The following CRTC3 variants were observed in gnomAD, a reference collection of about 807,000 sequenced individuals.
CRTC3 encodes the protein CREB regulated transcription coactivator 3, also known as CREB-regulated transcription coactivator 3.
A neutral mutation model predicts 74.5 loss-of-function variants in CRTC3; 26 were observed. That is an observed-to-expected ratio of 0.35 (90% CI 0.26 to 0.48). The LOEUF (loss-of-function observed/expected upper bound fraction) is 0.48, where lower values mean the gene tolerates loss of function less well. Among genes scored for constraint, CRTC3 ranks in the 20% least tolerant of loss-of-function variants. The pLI, the probability that CRTC3 is intolerant of heterozygous loss-of-function variation, is 0.99. For missense variants in CRTC3, 760 were observed against 787.3 expected (o/e 0.97, Z 0.41); for synonymous variants, 377 against 325.8 (o/e 1.16, Z -1.69).
At chr15:90,537,948 T>C (rs1429782794) in intron 1 of CRTC3, among the ~76,000 whole-genome samples, 2 of 152,178 alleles carry the variant, frequency 1.3e-5, no homozygotes, top group African/African-American at 4.8e-5. Context: ...AGAGCAGTTA[T>C]GGGGGATTGT....
At chr15:90,635,727 C>T (rs1009812975) in intron 11 of CRTC3, among the ~76,000 whole-genome samples, 2 of 151,986 alleles carry the variant, frequency 1.3e-5, no homozygotes, top group African/African-American at 4.8e-5. Context: ...TCCAATGTCG[C>T]ACCTCGGCAT....
chr15:90,569,356 G>C (rs1317395696), intron 2 of CRTC3, among the ~76,000 whole-genome samples: 2 of 139,442 alleles, frequency 1.4e-5, no homozygotes, highest in Non-Finnish European at 3.1e-5. Context: ...TTTTGCTCTT[G>C]TTGCCCAGGC....
At chr15:90,556,527 G>A (rs896100021) in intron 2 of CRTC3, among the ~76,000 whole-genome samples, 1 of 152,166 alleles carries the variant, frequency 6.6e-6, no homozygotes, top group African/African-American at 2.4e-5. Context: ...ACATAAAGTA[G>A]TTTGCATATT....
chr15:90,602,509 TA>T, intron 4 of CRTC3, 124 bp downstream of exon 4: 1 of 635,620 alleles, frequency 1.6e-6, no homozygotes. Flanking sequence ...TTTTCTCTTA[TA>T]ACATTTAATT....
At position 90,643,293 on chromosome 15, in the gene CRTC3, A is replaced by C. The variant is rs184905545; in HGVS notation, c.*1153A>C. ...CCCCTTCCCTGCCAGATCTTCTCAG[A>C]GCTTTAGCTTTTCTAGCACTCGTGC... On this transcript the variant is annotated 3_prime_UTR_variant, in exon 15 of 15. Transcript: ENST00000268184. 35 of 231,988 alleles carry C rather than the reference A, an allele frequency of 1.5e-4. No homozygotes were observed. Among genetic ancestry groups the C allele is most frequent in the African/African-American group, 7.3e-4 (33 of 45,404 alleles). The allele number at this position is 231,988 out of a possible 1,614,324, so 14.4% of individuals were successfully genotyped here.
At chr15:90,584,532 C>T (rs533526924) in intron 2 of CRTC3, among the ~76,000 whole-genome samples, 13 of 152,296 alleles carry the variant, frequency 8.5e-5, no homozygotes, top group South Asian at 6.2e-4. Context: ...CCACCGTGCC[C>T]GGCCCCCAGC....
At chr15:90,625,081 G>A (rs908941527) in intron 9 of CRTC3, 8 of 152,634 alleles carry the variant, frequency 5.2e-5, no homozygotes, top group African/African-American at 1.9e-4. Flanking sequence ...TGTCAGGATA[G>A]ACACATAGAA....
chr15:90,592,312 A>C (rs1967819495), intron 2 of CRTC3, among the ~76,000 whole-genome samples: 2 of 152,230 alleles, frequency 1.3e-5, no homozygotes, highest in African/African-American at 2.4e-5. Flanking sequence ...TGCTATGTAT[A>C]CATATATCAA....
chr15:90,531,882 G>A (rs551803762), intron 1 of CRTC3, among the ~76,000 whole-genome samples: 19 of 152,190 alleles, frequency 1.2e-4, no homozygotes, highest in African/African-American at 3.6e-4. Flanking sequence ...CCTGACAGGT[G>A]AGGCCATGAG....
chr15:90,626,140 G>A, intron 10 of CRTC3, 147 bp downstream of exon 10: 2 of 695,234 alleles, frequency 2.9e-6, no homozygotes, highest in East Asian at 2.7e-5. Context: ...TGACCCTGCG[G>A]ACATTTTTCT....
chr15:90,602,275 T>C, intron 3 of CRTC3, 49 bp from the exon 4 acceptor site: 1 of 1,142,318 alleles, frequency 8.8e-7, no homozygotes. Context: ...TTGTTAATTC[T>C]GCTTCATCTT....
At chr15:90,617,768 C>T (rs535194864) in intron 7 of CRTC3, 115 bp from the exon 8 acceptor site, 316 of 662,206 alleles carry the variant, frequency 4.8e-4, no homozygotes, top group Non-Finnish European at 8.1e-4. Context: ...TGGGCTCAAG[C>T]GATCCTCCTG....
rs756034728 is a variant in CRTC3, at chr15:90,638,639, C to T, written c.1460C>T (p.Pro487Leu). The T allele has an allele frequency of 2.5e-5, 40 of 1,613,594 alleles. No individual in the cohort carries two copies. The highest frequency in any genetic ancestry group is 1.7e-4 in the Admixed American group (10 of 59,988). Residue 487 changes from proline (P) to leucine (L), a missense_variant, in exon 12 of 15, where the codon CCG becomes CTG. Pro to Leu is a moderately conservative substitution (Grantham distance 98, BLOSUM62 -3). Around this residue, in one of 2 missense-constraint regions of CRTC3, gnomAD observed 652 missense variants for 635.2 expected, o/e 1.03. Coordinates refer to ENST00000268184, the MANE Select transcript of CRTC3 (RefSeq NM_022769.5). ...CCACAGTCAGACTTTCAGCTTCTCC[C>T]GGCCCAGGTGAGTTCTGGCAGGAGC... ...SLPQSDFQLL[P>L]AQGSSLTNFF...
At chr15:90,603,199 T>C (rs1425837611) in intron 4 of CRTC3, among the ~76,000 whole-genome samples, 1 of 152,030 alleles carries the variant, frequency 6.6e-6, no homozygotes, top group South Asian at 2.1e-4. Flanking sequence ...ATCCCAGCAC[T>C]TTGGGAGGCC....
At chr15:90,547,963 A>C (rs1247320229) in intron 2 of CRTC3, among the ~76,000 whole-genome samples, 3 of 141,734 alleles carry the variant, frequency 2.1e-5, no homozygotes, top group African/African-American at 5.4e-5. Flanking sequence ...ATCTTGGCTC[A>C]CTGCAACCTC....
intron 2 of CRTC3, among the ~76,000 whole-genome samples, chr15:90,567,790 T>C (rs1178171932): frequency 3.9e-5 from 6 of 152,210 alleles, no homozygotes. Flanking sequence ...TTAGTGTTTT[T>C]ATGCCTTCTA....
In CRTC3 at chr15:90,621,426, G is replaced by A. The variant is rs1038187429; in HGVS notation, c.749+1636G>A. Among the ~76,000 whole-genome samples, 29 of 152,118 alleles carry A rather than the reference G, an allele frequency of 1.9e-4. 1 individual carries two copies. Among genetic ancestry groups the A allele is most frequent in the African/African-American group, 6.8e-4 (28 of 41,432 alleles). On this transcript the variant is annotated intron_variant, in intron 9 of 14. Coordinates refer to ENST00000268184, the MANE Select transcript of CRTC3 (RefSeq NM_022769.5). ...CAACCTCTGCCTCCCAGGTTCAAGC[G>A]ATTCTCCTACCTCAGCCTCCCAAGT...
At position 90,598,277 on chromosome 15, in the gene CRTC3, A is replaced by G. The variant is rs1210454106; in HGVS notation, c.352-4047A>G. On this transcript the variant is annotated intron_variant, in intron 3 of 14. Transcript: ENST00000268184. ...ACCCTGGGCCTGCTCACCCAGCCGCAGGTCAAGCAGCACAAAGAAAGGGCC... is the reference window on the plus strand; with the variant it reads ...ACCCTGGGCCTGCTCACCCAGCCGCGGGTCAAGCAGCACAAAGAAAGGGCC... The G allele has an allele frequency of 6.7e-6, 4 of 600,852 alleles. No homozygotes were observed. In the African/African-American group the frequency reaches 7.4e-5, roughly 11 times the overall value. 37.2% of individuals were successfully genotyped at this position (600,852 alleles called of 1,614,324 possible).
At position 90,642,108 on chromosome 15, in the gene CRTC3, G is replaced by A. The variant is rs762307051; in HGVS notation, c.1828G>A (p.Val610Ile). ...CAGCATGGGCCTGCTGGACCCCTCT[G>A]TTGAAGAGACGTTTCGAGCTGACAG... ...DSSMGLLDPSVEETFRADRL is the reference protein window; with the variant it reads ...DSSMGLLDPSIEETFRADRL Residue 610 changes from valine to isoleucine, a missense_variant, in exon 15 of 15, where the codon GTT becomes ATT. Coordinates refer to ENST00000268184, the MANE Select transcript of CRTC3 (RefSeq NM_022769.5). 2 of 1,614,070 alleles carry A rather than the reference G, an allele frequency of 1.2e-6. No homozygotes were observed. The highest frequency in any genetic ancestry group is 8.5e-7 in the Non-Finnish European group (1 of 1,180,038).
Sources: allele counts gnomAD v4.1 joint callset (sites outside exome capture counted in the v4.1 genomes callset), GRCh38; gene constraint gnomAD v4.1.1; regional missense constraint gnomAD v4.1.1; transcripts MANE v1.5; gene names NCBI Gene and HGNC (gene_info 2026-07-23, HGNC 2026-07-21).